The following CNTNAP3 variants were observed in gnomAD, a reference collection of about 807,000 sequenced individuals.
The protein encoded by CNTNAP3 is contactin associated protein family member 3.
In CNTNAP3, 36 loss-of-function variants were observed where a neutral mutation model predicts 92.1. The observed-to-expected ratio is 0.39, with a 90% CI of 0.30 to 0.52. The LOEUF (loss-of-function observed/expected upper bound fraction) is 0.52. CNTNAP3 is among the 20% of genes least tolerant of loss of function. CNTNAP3 has a pLI of 0.76. For missense variants in CNTNAP3, 534 were observed against 1,069.6 expected (o/e 0.50, Z 6.98); for synonymous variants, 232 against 422.3 (o/e 0.55, Z 5.53).
chr9:39,109,011 G>A, intron 15 of CNTNAP3, 149 bp downstream of exon 15: 1 of 1,240,446 alleles, frequency 8.1e-7, no homozygotes, highest in South Asian at 1.7e-5. Flanking sequence ...TACTGACTGT[G>A]CCTTTATGGT....
chr9:39,136,730 G>A (rs575764230), intron 12 of CNTNAP3, among the ~76,000 whole-genome samples: 2 of 152,108 alleles, frequency 1.3e-5, no homozygotes, highest in South Asian at 4.2e-4. Context: ...GAGAAACCCT[G>A]TCTGTACTAA....
intron 13 of CNTNAP3, among the ~76,000 whole-genome samples, chr9:39,128,636 C>T (rs1448362459): frequency 3.9e-5 from 6 of 152,056 alleles, no homozygotes. Context: ...AGGATGTCTG[C>T]CCTCACCACT....
intron 17 of CNTNAP3, among the ~76,000 whole-genome samples, chr9:39,102,237 A>T (rs1826477918): frequency 6.6e-6 from 1 of 152,302 alleles, no homozygotes. Context: ...CTGAGATTGC[A>T]CCACTGCACT....
In CNTNAP3 at chr9:39,194,781, CTTTTTTTT is replaced by C. The variant is rs1170423558; in HGVS notation, c.391-1514_391-1507del. ...GCCAATTCCAAGATAATCATTTCAC[CTTTTTTTT>C]TTTTTTTTTTTTTTTTTTTCTGAGA... On this transcript the variant is annotated intron_variant, in intron 3 of 23. Transcript: ENST00000297668. 6.3e-3 allele frequency among the ~76,000 whole-genome samples: 8 copies of C among 1,276 alleles called. 2 individuals are homozygous for C. Among genetic ancestry groups the C allele is most frequent in the South Asian group, 0.2 (2 of 10 alleles). 0.8% of individuals were successfully genotyped at this position (1,276 alleles called of 152,430 possible).
intron 23 of CNTNAP3, among the ~76,000 whole-genome samples, chr9:39,075,282 T>C (rs1052248663): frequency 2.4e-4 from 36 of 151,320 alleles, no homozygotes; most frequent in Admixed American, 1.9e-3. Context: ...AATAAATGAA[T>C]GGAAGGCCTG....
At chr9:39,122,265 G>T (rs1821046041) in intron 13 of CNTNAP3, among the ~76,000 whole-genome samples, 1 of 152,264 alleles carries the variant, frequency 6.6e-6, no homozygotes, top group African/African-American at 2.4e-5. Flanking sequence ...TGAGGCGGGA[G>T]AATGACGTGA....
chr9:39,079,811 A>G (rs1329040103), intron 21 of CNTNAP3, among the ~76,000 whole-genome samples: 1 of 135,110 alleles, frequency 7.4e-6, no homozygotes, highest in Non-Finnish European at 1.5e-5. Context: ...TGAAAACAAG[A>G]TCCTCTTTTT....
intron 13 of CNTNAP3, among the ~76,000 whole-genome samples, chr9:39,126,070 G>A (rs543901886): frequency 1.3e-5 from 2 of 152,178 alleles, no homozygotes; most frequent in African/African-American, 4.8e-5. Flanking sequence ...AAATACAAAT[G>A]CACAATTCAT....
intron 19 of CNTNAP3, among the ~76,000 whole-genome samples, chr9:39,087,707 C>T (rs1826094923): frequency 1.3e-5 from 2 of 152,074 alleles, no homozygotes; most frequent in South Asian, 2.1e-4. Flanking sequence ...AGGATGGTCT[C>T]GATTTCCTGA....
rs951106542 is a variant in CNTNAP3, at chr9:39,091,553, G to T, written c.2996-2906C>A. On this transcript the variant is annotated intron_variant, in intron 18 of 23. Transcript: ENST00000297668. The stretch of plus-strand genomic sequence containing the variant: ...CCATTTCTGGGATCATTTCCACTTT[G>T]TCTTGATGTATAGTCATTTTTATAT... Among the ~76,000 whole-genome samples, 66 of 152,078 alleles carry T rather than the reference G, an allele frequency of 4.3e-4. No individual in the cohort carries two copies. The South Asian group carries it at 0.013, about 30-fold the overall frequency.
At chr9:39,159,659 GATAGATAGATAGATAT>G (rs1222601228) in intron 9 of CNTNAP3, 6 of 139,186 alleles carry the variant, frequency 4.3e-5, no homozygotes, top group African/African-American at 1.5e-4. Flanking sequence ...TAGATAGATA[GATAGATAGATAGATAT>G]ATGTAATCTT....
At position 39,109,220 on chromosome 9, in the gene CNTNAP3, C is replaced by T. The variant is rs375331959; in HGVS notation, c.2305G>A (p.Ala769Thr). Reference protein sequence around the residue: ...LPVTQIVMTDAGRPHSEAAYT... With the variant: ...LPVTQIVMTDTGRPHSEAAYT... ...GCTGCTTCGGAATGTGGTCGGCCTG[C>T]GTCTGTCATCACAATCTGAGTGACT... Residue 769 changes from alanine (A) to threonine (T), a missense_variant, in exon 15 of 24, where the codon GCA (alanine) becomes ACA (threonine). Ala to Thr is a moderately conservative substitution (Grantham distance 58). Coordinates refer to ENST00000297668, the MANE Select transcript of CNTNAP3 (RefSeq NM_033655.5). 20 of 1,612,892 alleles carry T rather than the reference C, an allele frequency of 1.2e-5. No individual in the cohort carries two copies. Among genetic ancestry groups the T allele is most frequent in the Admixed American group, 6.7e-5 (4 of 59,998 alleles).
In CNTNAP3 at chr9:39,066,073, A is replaced by C. The variant is rs1262316639; in HGVS notation, c.*7817T>G. ...TTTGTCTACTTTCAAGCATTTAAAAATTTATTCTATTTCATCGCTGCATTG... is the reference window on the plus strand; with the variant it reads ...TTTGTCTACTTTCAAGCATTTAAAACTTTATTCTATTTCATCGCTGCATTG... On this transcript the variant is annotated 3_prime_UTR_variant, in exon 24 of 24. Coordinates refer to ENST00000297668, the MANE Select transcript of CNTNAP3 (RefSeq NM_033655.5). Among the ~76,000 whole-genome samples, 1 of 152,214 alleles carries C rather than the reference A, an allele frequency of 6.6e-6. No individual in the cohort carries two copies. The highest frequency in any genetic ancestry group is 1.5e-5 in the Non-Finnish European group (1 of 68,028).
At chr9:39,128,801 TA>T (rs1821208735) in intron 13 of CNTNAP3, among the ~76,000 whole-genome samples, 1 of 151,426 alleles carries the variant, frequency 6.6e-6, no homozygotes, top group Admixed American at 6.6e-5. Context: ...AAAAAAAAAT[TA>T]AGTTCAAAAA....
chr9:39,084,053 G>T (rs531113827), intron 21 of CNTNAP3, among the ~76,000 whole-genome samples: 1 of 151,914 alleles, frequency 6.6e-6, no homozygotes, highest in East Asian at 1.9e-4. Flanking sequence ...GGCTGGATAT[G>T]AGCATTATTT....
intron 10 of CNTNAP3, 76 bp downstream of exon 10, chr9:39,149,730 C>T: frequency 5.0e-6 from 4 of 801,458 alleles, no homozygotes; most frequent in Non-Finnish European, 7.9e-6. Flanking sequence ...AACGGAATGC[C>T]TTTTTCCAGC....
At chr9:39,120,535 T>C (rs142680909) in intron 13 of CNTNAP3, among the ~76,000 whole-genome samples, 3,175 of 151,786 alleles carry the variant, frequency 0.021, 60 homozygotes, top group East Asian at 0.1. Context: ...ACGAGCGTAG[T>C]GGCGGGAGCC....
chr9:39,111,513 T>C (rs996523829), intron 14 of CNTNAP3, among the ~76,000 whole-genome samples: 1 of 150,944 alleles, frequency 6.6e-6, no homozygotes, highest in Non-Finnish European at 1.5e-5. Context: ...GAATATGGAT[T>C]ATCTAAAGGC....
rs1431160388 is a variant in CNTNAP3, at chr9:39,118,101, A to C, written c.2237+2T>G. ...TGTGCAGGGAAATCATGTGGAAATC[A>C]CCATTCATTCCGGCCAGCATCACAG... On this transcript the variant is annotated splice_donor_variant, in intron 14 of 23. Coordinates refer to ENST00000297668, the MANE Select transcript of CNTNAP3 (RefSeq NM_033655.5). LOFTEE classifies it high-confidence loss of function. The C allele has an allele frequency of 6.2e-7, 1 of 1,602,886 alleles. No homozygotes were observed. The highest frequency in any genetic ancestry group is 1.3e-5 in the African/African-American group (1 of 74,470).
Sources: allele counts gnomAD v4.1 joint callset (sites outside exome capture counted in the v4.1 genomes callset), GRCh38; gene constraint gnomAD v4.1.1; transcripts MANE v1.5; gene names NCBI Gene and HGNC (gene_info 2026-07-23, HGNC 2026-07-21).